The following OLAH variants were observed in gnomAD, a reference collection of about 807,000 sequenced individuals.
The protein encoded by OLAH is oleoyl-ACP hydrolase.
OLAH carries 33 observed loss-of-function variants against 27.8 expected under a neutral mutation model. The observed-to-expected ratio is 1.19, with a 90% confidence interval of 0.90 to 1.59. The LOEUF (loss-of-function observed/expected upper bound fraction) is 1.59, where lower values mean the gene tolerates loss of function less well. Ranked by LOEUF, OLAH falls within the 40% of genes most tolerant of loss-of-function variation. The pLI, the probability that OLAH is intolerant of heterozygous loss-of-function variation, is 0.00. For synonymous variants in OLAH, 120 were observed against 102.9 expected, an observed-to-expected ratio of 1.17 and a Z score of -1.01; for missense variants, 359 against 310.8, an observed-to-expected ratio of 1.16 and a Z score of -1.17.
At chr10:15,037,206 G>C (rs1378483261) in intron 1 of OLAH, among the ~76,000 whole-genome samples, 2 of 149,878 alleles carry the variant, frequency 1.3e-5, no homozygotes, top group African/African-American at 4.9e-5. Flanking sequence ...ACTAAAACAA[G>C]AAAACAAAGA....
At chr10:15,051,152 T>C (rs1353149415) in intron 3 of OLAH, among the ~76,000 whole-genome samples, 2 of 150,708 alleles carry the variant, frequency 1.3e-5, no homozygotes, top group East Asian at 2.0e-4. Context: ...CTTGGCTCAC[T>C]GCAACCTCTG....
At chr10:15,042,635 A>G (rs1361257461), upstream of OLAH, among the ~76,000 whole-genome samples, 2 of 152,144 alleles carry the variant, frequency 1.3e-5, no homozygotes, top group African/African-American at 4.8e-5. Context: ...GTTGGACATC[A>G]TACTTGCTTC....
chr10:15,035,930 C>T (rs1480488086), intron 1 of OLAH, among the ~76,000 whole-genome samples: 12 of 152,134 alleles, frequency 7.9e-5, no homozygotes, highest in Admixed American at 7.9e-4. Context: ...ACCAATCTCG[C>T]GAGGCAGCTG....
chr10:15,035,341 A>C (rs1843825651), intron 1 of OLAH, among the ~76,000 whole-genome samples: 1 of 152,136 alleles, frequency 6.6e-6, no homozygotes, highest in Non-Finnish European at 1.5e-5. Flanking sequence ...TTTATGAGAA[A>C]AGAGACTTAC....
chr10:15,034,753 G>A (rs1303735156), intron 1 of OLAH, among the ~76,000 whole-genome samples: 1 of 151,870 alleles, frequency 6.6e-6, no homozygotes, highest in Non-Finnish European at 1.5e-5. Context: ...AGCCCATAAA[G>A]AAGCATAAGA....
At chr10:15,057,843 A>G (rs1844277180) in intron 3 of OLAH, among the ~76,000 whole-genome samples, 2 of 151,422 alleles carry the variant, frequency 1.3e-5, no homozygotes, top group African/African-American at 4.9e-5. Context: ...GTGTAGGTCT[A>G]TTTCTGGATT....
rs149579138 is a variant in OLAH at position 15,062,486 on chromosome 10, A to G, written c.302+624A>G. On this transcript the variant is annotated intron_variant, in intron 4 of 7. Coordinates refer to ENST00000378228, the MANE Select transcript of OLAH (RefSeq NM_001039702.3). Reference sequence around the variant, plus strand: ...TGTAGTTCCTTAGTATTTTTACACAATGGGGTCTGGTTTTATATATTTACT... The same window carrying G: ...TGTAGTTCCTTAGTATTTTTACACAGTGGGGTCTGGTTTTATATATTTACT... 3.9e-3 allele frequency among the ~76,000 whole-genome samples: 598 copies of G among 152,072 alleles called. 16 individuals carry two copies. The highest frequency in any genetic ancestry group is 0.036 in the Admixed American group (548 of 15,250).
chr10:15,071,802 G>A lies in OLAH; in HGVS notation c.580G>A (p.Val194Ile), dbSNP rs745527458. The A allele has an allele frequency of 7.4e-6, 12 of 1,611,522 alleles. No homozygotes were observed. Among genetic ancestry groups the A allele is most frequent in the South Asian group, 5.5e-5 (5 of 90,970 alleles). Residue 194 changes from valine to isoleucine, a missense_variant, in exon 7 of 8, where the codon GTA (valine) becomes ATA (isoleucine). By Grantham distance (29) the Val-to-Ile change is conservative (BLOSUM62 3). Coordinates refer to ENST00000378228, the MANE Select transcript of OLAH (RefSeq NM_001039702.3). ...LNIVRSCTSN[V>I]PSKAVLSCDL... is the part of the protein sequence containing the mutation. ...GCTCTTTTATGTTTATAGCTCTAAC[G>A]TACCATCTAAGGCTGTTCTTTCCTG...
chr10:15,070,366 CT>C (rs1223742175), intron 6 of OLAH, among the ~76,000 whole-genome samples: 1 of 152,158 alleles, frequency 6.6e-6, no homozygotes, highest in Non-Finnish European at 1.5e-5. Flanking sequence ...TTTTTGGTGA[CT>C]TCCTTTCACT....
intron 3 of OLAH, among the ~76,000 whole-genome samples, chr10:15,056,595 T>C (rs914432629): frequency 9.2e-5 from 14 of 152,022 alleles, no homozygotes; most frequent in Non-Finnish European, 1.6e-4. Context: ...AGAAATTCTT[T>C]CCTTTCTTTC....
chr10:15,037,380 A>G (rs983137424), intron 1 of OLAH, among the ~76,000 whole-genome samples: 1 of 152,120 alleles, frequency 6.6e-6, no homozygotes, highest in Non-Finnish European at 1.5e-5. Context: ...CAGGAGTTTG[A>G]GACCAGCCTG....
chr10:15,045,860 G>A (rs1354048478), intron 1 of OLAH, among the ~76,000 whole-genome samples: 4 of 150,776 alleles, frequency 2.7e-5, no homozygotes, highest in Admixed American at 6.6e-5. Context: ...TGAAACCCCC[G>A]TCTCTACTAA....
At chr10:15,070,319 A>T (rs144564215) in intron 6 of OLAH, among the ~76,000 whole-genome samples, 1 of 152,250 alleles carries the variant, frequency 6.6e-6, no homozygotes. Flanking sequence ...TCCAGAGGAT[A>T]GAAGTCCAGT....
intron 3 of OLAH, among the ~76,000 whole-genome samples, chr10:15,051,167 C>G (rs1386517480): frequency 6.6e-6 from 1 of 150,810 alleles, no homozygotes; most frequent in Non-Finnish European, 1.5e-5. Context: ...CCTCTGCCTC[C>G]CAGGTTCAAG....
chr10:15,039,936 G>C (rs1323700235), upstream of OLAH, among the ~76,000 whole-genome samples: 1 of 152,124 alleles, frequency 6.6e-6, no homozygotes, highest in Non-Finnish European at 1.5e-5. Flanking sequence ...AGCTCACTTT[G>C]CTTCTGAACC....
chr10:15,064,396 A>G lies in OLAH; in HGVS notation c.303-7A>G. ...GTTCTTGTCATGTTTTTCTTTGCTGAATTTAGTATGGGATCCTACATTGCT... is the reference window on the plus strand; with the variant it reads ...GTTCTTGTCATGTTTTTCTTTGCTGGATTTAGTATGGGATCCTACATTGCT... On this transcript the variant is annotated splice_region_variant and splice_polypyrimidine_tract_variant and intron_variant, in intron 4 of 7. Coordinates refer to ENST00000378228, the MANE Select transcript of OLAH (RefSeq NM_001039702.3). The G allele has an allele frequency of 1.3e-6, 2 of 1,557,484 alleles. No individual in the cohort carries two copies. Among genetic ancestry groups the G allele is most frequent in the Non-Finnish European group, 1.8e-6 (2 of 1,140,370 alleles).
chr10:15,061,915 T>C (rs1844373329), intron 4 of OLAH, 53 bp downstream of exon 4: 1 of 1,552,488 alleles, frequency 6.4e-7, no homozygotes, highest in Non-Finnish European at 8.8e-7. Flanking sequence ...TATCTGAAGT[T>C]TGAGGTTAAT....
intron 3 of OLAH, among the ~76,000 whole-genome samples, chr10:15,059,390 T>C (rs1236277523): frequency 1.3e-5 from 2 of 151,568 alleles, no homozygotes; most frequent in Non-Finnish European, 2.9e-5. Context: ...AGGTCTCACT[T>C]CATTGCCCAG....
intron 3 of OLAH, among the ~76,000 whole-genome samples, chr10:15,050,539 A>ATTTT (rs764081489): frequency 1.8e-5 from 2 of 109,044 alleles, no homozygotes; most frequent in Non-Finnish European, 3.5e-5. Flanking sequence ...AAGTGCTAGG[A>ATTTT]TTTTTTTTTT....
Sources: gnomAD v4.1 joint callset for allele counts (sites outside exome capture counted in the v4.1 genomes callset) on GRCh38, gnomAD v4.1.1 for gene constraint, MANE v1.5 for transcripts, NCBI Gene and HGNC (gene_info 2026-07-23, HGNC 2026-07-21) for gene names.